VOPP1: variants seen among roughly 807,000 people sequenced by gnomAD.
VOPP1 encodes the protein WW domain binding protein VOPP1.
In VOPP1, 8 loss-of-function variants were observed where a neutral mutation model predicts 23.5. The observed-to-expected ratio is 0.34, with a 90% CI of 0.20 to 0.61. VOPP1 has a LOEUF of 0.61. Among genes scored for constraint, VOPP1 ranks in the 20% least tolerant of loss-of-function variants. The pLI is 0.78. For missense variants in VOPP1, 174 were observed against 238.1 expected (o/e 0.73, Z 1.77); for synonymous variants, 83 against 97.3 (o/e 0.85, Z 0.86).
chr7:55,541,128 T>C (rs1011226990), intron 1 of VOPP1, among the ~76,000 whole-genome samples: 1 of 152,216 alleles, frequency 6.6e-6, no homozygotes, highest in Admixed American at 6.5e-5. Context: ...AAGGAGTGAC[T>C]GCTAGTGGGT....
At chr7:55,501,919 A>C (rs925690523) in intron 2 of VOPP1, among the ~76,000 whole-genome samples, 1 of 152,196 alleles carries the variant, frequency 6.6e-6, no homozygotes, top group African/African-American at 2.4e-5. Context: ...AACAGCTCTT[A>C]TATCTGTGCT....
downstream of VOPP1, among the ~76,000 whole-genome samples, chr7:55,467,764 A>C (rs548196323): frequency 3.7e-4 from 57 of 152,330 alleles, no homozygotes; most frequent in African/African-American, 1.3e-3. Context: ...CTGTGATGTC[A>C]GGTGAGCTGC....
chr7:55,437,546 T>G (rs1031752925), intron 4 of VOPP1, among the ~76,000 whole-genome samples: 2 of 152,224 alleles, frequency 1.3e-5, no homozygotes, highest in African/African-American at 4.8e-5. Context: ...TTTTGCAAGT[T>G]GTAGGATTTT....
At chr7:55,538,330 A>C (rs1796930595) in intron 1 of VOPP1, among the ~76,000 whole-genome samples, 1 of 152,244 alleles carries the variant, frequency 6.6e-6, no homozygotes, top group Admixed American at 6.5e-5. Flanking sequence ...GTAAAGATGT[A>C]GCCAGTCCTT....
chr7:55,506,938 G>A (rs982510403), intron 2 of VOPP1, among the ~76,000 whole-genome samples: 5 of 152,154 alleles, frequency 3.3e-5, no homozygotes, highest in South Asian at 4.1e-4. Context: ...CACTGTGCCC[G>A]GCCCCACAAG....
intron 4 of VOPP1, among the ~76,000 whole-genome samples, chr7:55,442,286 T>C (rs1057012745): frequency 4.6e-5 from 7 of 152,076 alleles, no homozygotes; most frequent in African/African-American, 1.7e-4. Flanking sequence ...AAGTCAAGGA[T>C]AAAAAATGGA....
intron 4 of VOPP1, among the ~76,000 whole-genome samples, chr7:55,482,460 C>T (rs930121781): frequency 2.0e-5 from 3 of 148,994 alleles, no homozygotes; most frequent in African/African-American, 7.4e-5. Context: ...GGACTACAGG[C>T]ACCCACCACC....
chr7:55,435,507 T>C (rs1437698963), downstream of VOPP1, among the ~76,000 whole-genome samples: 1 of 152,200 alleles, frequency 6.6e-6, no homozygotes, highest in Non-Finnish European at 1.5e-5. Context: ...CTGGTGCCTG[T>C]CAGCCTCTTC....
chr7:55,505,016 A>C (rs1262283331), intron 2 of VOPP1, among the ~76,000 whole-genome samples: 1 of 152,234 alleles, frequency 6.6e-6, no homozygotes, highest in Non-Finnish European at 1.5e-5. Flanking sequence ...TTATCCATAA[A>C]AAGGGTAAAC....
At chr7:55,506,358 G>A (rs1794721517) in intron 2 of VOPP1, among the ~76,000 whole-genome samples, 1 of 152,196 alleles carries the variant, frequency 6.6e-6, no homozygotes, top group African/African-American at 2.4e-5. Context: ...TTTTTGAGAT[G>A]GAGTTTTGCT....
chr7:55,523,196 T>A (rs2129042588), intron 1 of VOPP1, among the ~76,000 whole-genome samples: 1 of 152,198 alleles, frequency 6.6e-6, no homozygotes, highest in South Asian at 2.1e-4. Context: ...TGTGAGATGA[T>A]CCCCAAGATA....
intron 1 of VOPP1, among the ~76,000 whole-genome samples, chr7:55,525,072 C>T (rs1026864944): frequency 2.0e-5 from 3 of 152,074 alleles, no homozygotes; most frequent in Admixed American, 1.3e-4. Context: ...CCAGAGTCGA[C>T]GGGCAAAGGG....
At chr7:55,446,225 C>A (rs1791098218) in intron 4 of VOPP1, among the ~76,000 whole-genome samples, 1 of 152,136 alleles carries the variant, frequency 6.6e-6, no homozygotes, top group African/African-American at 2.4e-5. Context: ...AATCTCCTGA[C>A]CTCGTGATCT....
At chr7:55,560,588 A>G (rs1386999375) in intron 1 of VOPP1, among the ~76,000 whole-genome samples, 3 of 152,202 alleles carry the variant, frequency 2.0e-5, no homozygotes, top group Admixed American at 6.5e-5. Context: ...TCCTGCTGAC[A>G]TTCTTGAATT....
intron 1 of VOPP1, among the ~76,000 whole-genome samples, chr7:55,548,218 T>C (rs1797449555): frequency 6.6e-6 from 1 of 152,228 alleles, no homozygotes; most frequent in African/African-American, 2.4e-5. Flanking sequence ...ATTTCACACA[T>C]AATGTTTTCA....
chr7:55,487,603 G>A (rs927621066), intron 4 of VOPP1, among the ~76,000 whole-genome samples: 3 of 152,180 alleles, frequency 2.0e-5, no homozygotes, highest in Admixed American at 6.5e-5. Context: ...GACTACAGGT[G>A]TATGTCACTG....
At chr7:55,514,595 C>G (rs1437312548) in intron 2 of VOPP1, among the ~76,000 whole-genome samples, 1 of 152,186 alleles carries the variant, frequency 6.6e-6, no homozygotes, top group Non-Finnish European at 1.5e-5. Context: ...TAAAAATCAG[C>G]AAGACAGGCT....
intron 4 of VOPP1, among the ~76,000 whole-genome samples, chr7:55,451,929 T>C (rs544940271): frequency 4.7e-4 from 71 of 152,314 alleles, no homozygotes; most frequent in African/African-American, 1.7e-3. Context: ...TTGCTAAAGG[T>C]TGGACTGGCT....
intron 4 of VOPP1, among the ~76,000 whole-genome samples, chr7:55,476,105 G>A (rs1203310222): frequency 2.0e-5 from 3 of 152,146 alleles, no homozygotes; most frequent in South Asian, 4.1e-4. Flanking sequence ...CGTGTGGAGC[G>A]CCGTCTAAGA....
Sources: allele counts gnomAD v4.1 joint callset (sites outside exome capture counted in the v4.1 genomes callset), GRCh38; gene constraint gnomAD v4.1.1; transcripts MANE v1.5; gene names NCBI Gene and HGNC (gene_info 2026-07-23, HGNC 2026-07-21).